NXN: variants seen among roughly 807,000 people sequenced by gnomAD.
The protein encoded by NXN is nucleoredoxin.
Under a neutral mutation model 48.6 loss-of-function variants are expected in NXN, and 16 were observed. The ratio of observed to expected loss-of-function variants is 0.33; its 90% CI spans 0.22 to 0.50. NXN has a LOEUF of 0.50. Ranked by LOEUF, NXN falls within the 20% of genes least tolerant of loss-of-function variation. The pLI, the probability that NXN is intolerant of heterozygous loss-of-function variation, is 0.98. For missense variants in NXN, 492 were observed against 605.5 expected (o/e 0.81, Z 1.97); for synonymous variants, 281 against 269.6 (o/e 1.04, Z -0.41).
At chr17:806,921 TACACACACACACACACAC>T (rs5818767) in intron 5 of NXN, among the ~76,000 whole-genome samples, 1 of 148,210 alleles carries the variant, frequency 6.7e-6, no homozygotes. Context: ...CACACTCACA[TACACACACACACACACAC>T]ACACACACGC....
chr17:861,501 A>C (rs59404135), intron 1 of NXN, among the ~76,000 whole-genome samples: 1,605 of 152,204 alleles, frequency 0.011, 24 homozygotes, highest in African/African-American at 0.037. Context: ...ACACTTCATG[A>C]CCAGATGTTG....
intron 1 of NXN, among the ~76,000 whole-genome samples, chr17:951,915 C>T (rs2069115616): frequency 6.6e-6 from 1 of 152,330 alleles, no homozygotes; most frequent in Admixed American, 6.5e-5. Context: ...CCCGAGAATG[C>T]ACCAGAGCCT....
chr17:823,550 C>T, intron 3 of NXN, 82 bp downstream of exon 3: 2 of 1,529,800 alleles, frequency 1.3e-6, no homozygotes, highest in African/African-American at 1.4e-5. Flanking sequence ...GGTGTCTCAC[C>T]CCCAGAAGCC....
chr17:958,532 G>T lies in NXN; in HGVS notation c.360+20787C>A, dbSNP rs980546752. 1.3e-5 allele frequency among the ~76,000 whole-genome samples: 2 copies of T among 152,086 alleles called. No individual in the cohort carries two copies. Among genetic ancestry groups the T allele is most frequent in the Middle Eastern group, 3.2e-3 (1 of 316 alleles). ...TCACTCCTATCATCCCAGCACTTTG[G>T]GAGGCCGAAGCGGGTGGATCACGAG... On this transcript the variant is annotated intron_variant, in intron 1 of 7. Transcript: ENST00000336868. This position sits in a 1 kb window ranked among gnomAD's most constrained non-coding sequence, Gnocchi z 6.9.
intron 7 of NXN, among the ~76,000 whole-genome samples, chr17:801,443 C>CTTTTTTTTTTTTT (rs71371579): frequency 1.8e-4 from 19 of 104,306 alleles, no homozygotes; most frequent in South Asian, 3.3e-4. Context: ...ATGTCACATT[C>CTTTTTTTTTTTTT]TTTTTTTTTT....
At chr17:923,410 C>G (rs2068767428) in intron 1 of NXN, among the ~76,000 whole-genome samples, 1 of 152,174 alleles carries the variant, frequency 6.6e-6, no homozygotes, top group Non-Finnish European at 1.5e-5. Context: ...GTAGTCCTAG[C>G]TACCCCGGAG....
At chr17:949,766 C>T (rs2069089155) in intron 1 of NXN, among the ~76,000 whole-genome samples, 1 of 150,988 alleles carries the variant, frequency 6.6e-6, no homozygotes, top group Non-Finnish European at 1.5e-5. Context: ...CACCTCCCTG[C>T]CTCAGTCTGG....
intron 1 of NXN, among the ~76,000 whole-genome samples, chr17:977,655 T>A (rs996358599): frequency 6.6e-6 from 1 of 152,270 alleles, no homozygotes; most frequent in Non-Finnish European, 1.5e-5. Context: ...AGAAATCATT[T>A]GTATTGCCGG....
At chr17:913,362 C>G (rs1430159461) in intron 1 of NXN, among the ~76,000 whole-genome samples, 1 of 152,182 alleles carries the variant, frequency 6.6e-6, no homozygotes, top group African/African-American at 2.4e-5. Flanking sequence ...CTGAAAAGTC[C>G]ATTCGCTTGT....
chr17:809,045 G>C (rs1302562004), intron 5 of NXN, among the ~76,000 whole-genome samples: 1 of 150,034 alleles, frequency 6.7e-6, no homozygotes, highest in African/African-American at 2.4e-5. Flanking sequence ...CGGAAAACTG[G>C]GAGCTTGCTC....
rs2067896929 is a variant in NXN at position 849,171 on chromosome 17, T to C, written c.361-23093A>G. Among the ~76,000 whole-genome samples, 1 of 152,164 alleles carries C rather than the reference T, an allele frequency of 6.6e-6. No individual in the cohort carries two copies. Among genetic ancestry groups the C allele is most frequent in the Non-Finnish European group, 1.5e-5 (1 of 68,024 alleles). On this transcript the variant is annotated intron_variant, in intron 1 of 7. Transcript: ENST00000336868. The surrounding 1 kb of genome is among the most constrained non-coding windows in gnomAD (Gnocchi z 4.2). ...GGCAATCATGGTGGGTGTGCACGCT[T>C]GATCTAAGACCAATCACGCTCTCTC...
intron 1 of NXN, among the ~76,000 whole-genome samples, chr17:853,517 C>T (rs189406459): frequency 7.3e-4 from 111 of 151,880 alleles, no homozygotes; most frequent in Admixed American, 7.2e-3. Flanking sequence ...GTCCCTCTGT[C>T]CTTACTGTGT....
In NXN at chr17:958,265, C is replaced by A. The variant is rs907274230; in HGVS notation, c.360+21054G>T. Among the ~76,000 whole-genome samples, 1 of 152,182 alleles carries A rather than the reference C, an allele frequency of 6.6e-6. No individual in the cohort carries two copies. Among genetic ancestry groups the A allele is most frequent in the African/African-American group, 2.4e-5 (1 of 41,452 alleles). On this transcript the variant is annotated intron_variant, in intron 1 of 7. Coordinates refer to ENST00000336868, the MANE Select transcript of NXN (RefSeq NM_022463.5). This position sits in a 1 kb window ranked among gnomAD's most constrained non-coding sequence, Gnocchi z 6.9. ...TCCCTTCCCCGGTGCCTCTGCCCAACAAGACATGACGGTGAGCAAGGTTAC... is the reference window on the plus strand; with the variant it reads ...TCCCTTCCCCGGTGCCTCTGCCCAAAAAGACATGACGGTGAGCAAGGTTAC...
chr17:843,056 G>GAAAGA (rs113972004), intron 1 of NXN, among the ~76,000 whole-genome samples: 12 of 107,330 alleles, frequency 1.1e-4, no homozygotes, highest in African/African-American at 3.1e-4. Flanking sequence ...AAGAAAGAAA[G>GAAAGA]AAGGAAGAAA....
chr17:807,841 C>T (rs1911658535), intron 5 of NXN, among the ~76,000 whole-genome samples: 1 of 152,264 alleles, frequency 6.6e-6, no homozygotes, highest in Admixed American at 6.5e-5. Flanking sequence ...CAAAGGTGAA[C>T]CAGGGGCGGG....
At chr17:821,553 C>T (rs1301911887) in intron 4 of NXN, among the ~76,000 whole-genome samples, 1 of 77,330 alleles carries the variant, frequency 1.3e-5, no homozygotes. Context: ...GTCAGGAGAT[C>T]GAGACCATCC....
At chr17:900,463 C>G (rs967276519) in intron 1 of NXN, among the ~76,000 whole-genome samples, 46 of 152,222 alleles carry the variant, frequency 3.0e-4, no homozygotes, top group African/African-American at 1.1e-3. Context: ...CCACCTCTTG[C>G]AGGAACAGAG....
chr17:817,080 A>AC (rs986703789), intron 5 of NXN, among the ~76,000 whole-genome samples: 39 of 152,096 alleles, frequency 2.6e-4, no homozygotes, highest in African/African-American at 9.4e-4. Flanking sequence ...AGGCAGCAGC[A>AC]CCCCCCGACA....
chr17:947,776 G>A (rs1177644899), intron 1 of NXN, among the ~76,000 whole-genome samples: 7 of 143,584 alleles, frequency 4.9e-5, no homozygotes, highest in South Asian at 2.3e-4. Context: ...GGTGGCTCAC[G>A]CCTGTAATCC....
Sources: allele counts gnomAD v4.1 joint callset (sites outside exome capture counted in the v4.1 genomes callset), GRCh38; gene constraint gnomAD v4.1.1; non-coding constraint Gnocchi (gnomAD v3.1); transcripts MANE v1.5; gene names NCBI Gene and HGNC (gene_info 2026-07-23, HGNC 2026-07-21).